SLC4A4: variants seen among roughly 807,000 people sequenced by gnomAD.
SLC4A4 encodes the protein electrogenic sodium bicarbonate cotransporter 1.
SLC4A4 carries 27 observed loss-of-function variants against 111.5 expected under a neutral mutation model. The observed-to-expected ratio is 0.24, with a 90% CI of 0.18 to 0.33. The LOEUF (loss-of-function observed/expected upper bound fraction) is 0.33. Among genes scored for constraint, SLC4A4 ranks in the 10% least tolerant of loss-of-function variants. SLC4A4 has a pLI of 1.00. For missense variants in SLC4A4, 909 were observed against 1,315.5 expected, an observed-to-expected ratio of 0.69 and a Z score of 4.78; for synonymous variants, 443 against 463.4, an observed-to-expected ratio of 0.96 and a Z score of 0.57.
chr4:71,181,356 A>T (rs1056060580), intron 2 of SLC4A4, among the ~76,000 whole-genome samples: 4 of 152,164 alleles, frequency 2.6e-5, no homozygotes, highest in Non-Finnish European at 5.9e-5. Context: ...CCTAAAACTT[A>T]AAGTATAATA....
intron 2 of SLC4A4, among the ~76,000 whole-genome samples, chr4:71,247,311 T>C (rs1720746631): frequency 6.7e-6 from 1 of 148,244 alleles, no homozygotes; most frequent in African/African-American, 2.4e-5. Flanking sequence ...ATTTTGCATA[T>C]ATGATATATA....
intron 7 of SLC4A4, among the ~76,000 whole-genome samples, chr4:71,427,599 T>C (rs1273487188): frequency 2.0e-5 from 3 of 152,078 alleles, no homozygotes; most frequent in African/African-American, 7.2e-5. Flanking sequence ...TCTTCTGTTA[T>C]GTCTAACAAC....
chr4:71,322,057 A>C (rs1347936750), intron 3 of SLC4A4, among the ~76,000 whole-genome samples: 1 of 152,020 alleles, frequency 6.6e-6, no homozygotes, highest in African/African-American at 2.4e-5. Context: ...AGAAAACCTT[A>C]TTGTAGAATC....
intron 3 of SLC4A4, among the ~76,000 whole-genome samples, chr4:71,317,604 C>G (rs945031422): frequency 4.6e-5 from 7 of 152,134 alleles, no homozygotes; most frequent in African/African-American, 1.7e-4. Context: ...TTTTAACATG[C>G]CTCATTTTCA....
chr4:71,091,768 TA>T (rs1351143633), intron 1 of SLC4A4, among the ~76,000 whole-genome samples: 2 of 152,224 alleles, frequency 1.3e-5, no homozygotes, highest in African/African-American at 4.8e-5. Flanking sequence ...ATCTGGCTCC[TA>T]AGACTAGTTT....
At chr4:71,084,215 T>A (rs1021948352) in intron 1 of SLC4A4, among the ~76,000 whole-genome samples, 9 of 152,034 alleles carry the variant, frequency 5.9e-5, no homozygotes, top group African/African-American at 2.2e-4. Context: ...TCTAAGAGCA[T>A]TATTAATAAT....
chr4:71,548,488 C>G (rs1029836226), intron 20 of SLC4A4, among the ~76,000 whole-genome samples: 3 of 151,708 alleles, frequency 2.0e-5, no homozygotes, highest in Admixed American at 2.0e-4. Context: ...TTCCAATTTT[C>G]TTTTATGATG....
intron 7 of SLC4A4, among the ~76,000 whole-genome samples, chr4:71,399,860 T>C (rs1385549696): frequency 6.6e-6 from 1 of 152,174 alleles, no homozygotes; most frequent in Admixed American, 6.6e-5. Flanking sequence ...CTCCTTCAGA[T>C]GCTAATGTGG....
chr4:71,224,265 C>G (rs1718924442), intron 1 of SLC4A4, among the ~76,000 whole-genome samples: 2 of 152,188 alleles, frequency 1.3e-5, no homozygotes, highest in South Asian at 4.2e-4. Context: ...GAACACTGAC[C>G]CACTGTAGGT....
intron 23 of SLC4A4, among the ~76,000 whole-genome samples, chr4:71,562,396 G>A (rs1442323040): frequency 1.3e-4 from 19 of 151,710 alleles, no homozygotes. Context: ...CATGGATATA[G>A]GGAGTCATGC....
chr4:71,365,787 G>A (rs1416859144), intron 6 of SLC4A4, among the ~76,000 whole-genome samples: 1 of 152,136 alleles, frequency 6.6e-6, no homozygotes, highest in Non-Finnish European at 1.5e-5. Flanking sequence ...TAAGAATAAT[G>A]CCTCACATTA....
At chr4:71,487,749 C>T (rs775279880) in intron 15 of SLC4A4, among the ~76,000 whole-genome samples, 4 of 151,564 alleles carry the variant, frequency 2.6e-5, no homozygotes, top group Admixed American at 1.3e-4. Flanking sequence ...TCAGGAGACC[C>T]GGACATTTCT....
chr4:71,124,174 CTTTT>C (rs5859248), intron 2 of SLC4A4, among the ~76,000 whole-genome samples: 8 of 123,062 alleles, frequency 6.5e-5, no homozygotes, highest in Admixed American at 1.7e-4. Context: ...TAGGCCCACA[CTTTT>C]TTTTTTTTTT....
rs187804902 is a variant in SLC4A4, at chr4:71,369,183, G to A, written c.730+11996G>A. The stretch of plus-strand genomic sequence containing the variant: ...AAGGGCAAGGAAGGTGGCGGTGGTC[G>A]GGAGAGGGAGGGCAGGAAGATCGGG... On this transcript the variant is annotated intron_variant, in intron 6 of 25. Transcript: ENST00000264485. Among the ~76,000 whole-genome samples, 13 of 152,304 alleles carry A rather than the reference G, an allele frequency of 8.5e-5. No individual in the cohort carries two copies. The East Asian group carries it at 1.3e-3, about 16-fold the overall frequency.
intron 2 of SLC4A4, among the ~76,000 whole-genome samples, chr4:71,097,169 C>T (rs1297900500): frequency 6.6e-6 from 1 of 152,172 alleles, no homozygotes; most frequent in Non-Finnish European, 1.5e-5. Context: ...TCCTCTCCCT[C>T]CTCCCATCAT....
At chr4:71,334,650 T>C (rs986896062) in intron 3 of SLC4A4, among the ~76,000 whole-genome samples, 8 of 152,198 alleles carry the variant, frequency 5.3e-5, no homozygotes, top group Non-Finnish European at 8.8e-5. Context: ...ATTGATATAC[T>C]GGTTGCTCAG....
chr4:71,485,495 G>A (rs115700121), intron 14 of SLC4A4, among the ~76,000 whole-genome samples: 2,080 of 151,582 alleles, frequency 0.014, 55 homozygotes, highest in African/African-American at 0.046. Context: ...CTACTTGATC[G>A]TGGTGGATTA....
chr4:71,316,505 G>GAAT (rs2148861722), intron 3 of SLC4A4, among the ~76,000 whole-genome samples: 1 of 152,192 alleles, frequency 6.6e-6, no homozygotes, highest in Admixed American at 6.5e-5. Context: ...TTTAAAAACA[G>GAAT]AATTCACATG....
intron 2 of SLC4A4, among the ~76,000 whole-genome samples, chr4:71,175,831 C>A (rs577762137): frequency 6.6e-6 from 1 of 152,256 alleles, no homozygotes; most frequent in Non-Finnish European, 1.5e-5. Flanking sequence ...AAGAGAGTAG[C>A]GGTTCTCCAA....
Sources: gnomAD v4.1 joint callset for allele counts (sites outside exome capture counted in the v4.1 genomes callset) on GRCh38, gnomAD v4.1.1 for gene constraint, MANE v1.5 for transcripts, NCBI Gene and HGNC (gene_info 2026-07-23, HGNC 2026-07-21) for gene names.